The following MYOM1 variants were observed in gnomAD, a reference collection of about 807,000 sequenced individuals.
MYOM1 encodes myomesin-1.
MYOM1 carries 164 observed loss-of-function variants against 205.3 expected under a neutral mutation model. The ratio of observed to expected loss-of-function variants is 0.80; its 90% confidence interval spans 0.70 to 0.91. The LOEUF is 0.91. Ranked by LOEUF, MYOM1 falls within the 40% of genes least tolerant of loss-of-function variation. MYOM1 has a pLI of 0.00. For missense variants in MYOM1, 2,011 were observed against 2,127.3 expected (o/e 0.95, Z 1.08); for synonymous variants, 772 against 789.4 (o/e 0.98, Z 0.37).
rs141773518 is a variant in MYOM1 at position 3,137,643 on chromosome 18, G to A, written c.2026-1913C>T. Among the ~76,000 whole-genome samples, 428 of 152,282 alleles carry A rather than the reference G, an allele frequency of 2.8e-3. 2 individuals are homozygous for A. The highest frequency in any genetic ancestry group is 9.5e-3 in the African/African-American group (396 of 41,564). On this transcript the variant is annotated intron_variant, in intron 14 of 37. Transcript: ENST00000356443. ...ATCTCATGGAGGTAGAGAGTGGAATGGTGGTTACCAGAGGCTGGGAAGGGT... is the reference window on the plus strand; with the variant it reads ...ATCTCATGGAGGTAGAGAGTGGAATAGTGGTTACCAGAGGCTGGGAAGGGT...
intron 37 of MYOM1, among the ~76,000 whole-genome samples, chr18:3,069,958 A>AT (rs2078941172): frequency 6.6e-6 from 1 of 152,150 alleles, no homozygotes; most frequent in East Asian, 1.9e-4. Flanking sequence ...CCGTGATCAT[A>AT]TTTTCCAACC....
the MYOM1 span, among the ~76,000 whole-genome samples, chr18:3,235,487 T>C: frequency 5.3e-5 from 8 of 152,250 alleles, no homozygotes; most frequent in Admixed American, 5.2e-4. Context: ...CTTTGAAACA[T>C]GGCTTAGAAG....
intron 7 of MYOM1, 48 bp from the exon 8 acceptor site, chr18:3,174,048 A>G: frequency 6.2e-7 from 1 of 1,608,402 alleles, no homozygotes; most frequent in Non-Finnish European, 8.5e-7. Flanking sequence ...TGATCGATTT[A>G]TTTTAAAACC....
Position 3,199,835 on chromosome 18 carries a change from G to A in MYOM1, c.291-5877C>T, listed in dbSNP as rs557221128. Among the ~76,000 whole-genome samples the A allele has an allele frequency of 3.5e-4, 53 of 149,354 alleles. 1 individual carries two copies. Among genetic ancestry groups the A allele is most frequent in the Middle Eastern group, 7.5e-3 (2 of 268 alleles). ...AGCCTGGGTGACAGAGTGAGACTCC[G>A]TCTCAAAAAAAAAAAAATTACCTGC... On this transcript the variant is annotated intron_variant, in intron 2 of 37. Transcript: ENST00000356443.
chr18:3,141,588 A>G (rs1398985008), intron 14 of MYOM1, among the ~76,000 whole-genome samples: 1 of 152,216 alleles, frequency 6.6e-6, no homozygotes, highest in East Asian at 1.9e-4. Flanking sequence ...GAGAGATGAA[A>G]AGCCATTACC....
intron 2 of MYOM1, among the ~76,000 whole-genome samples, chr18:3,200,586 G>A (rs1189369845): frequency 5.9e-5 from 9 of 152,058 alleles, no homozygotes; most frequent in African/African-American, 4.8e-5. Context: ...TAAAAAGTAC[G>A]ATAACAAATG....
At chr18:3,102,346 A>G in intron 23 of MYOM1, 128 bp downstream of exon 23, 1 of 996,248 alleles carries the variant, frequency 1.0e-6, no homozygotes, top group Non-Finnish European at 1.5e-6. Flanking sequence ...ATTATTTTCT[A>G]CAATACCAGA....
In MYOM1 at chr18:3,079,213, A is replaced by G; in HGVS notation, c.4614T>C (p.Thr1538=). The change falls in exon 34 of 38, where the codon ACT becomes ACC. Residue 1538 remains threonine (T), a synonymous_variant. Coordinates refer to ENST00000356443, the MANE Select transcript of MYOM1 (RefSeq NM_003803.4). Reference sequence around the variant, plus strand: ...AGAGATCCACTGTCTTCTGATGTCCAGTTTTGCCATCAAAGAGCTCCATGA... The same window carrying G: ...AGAGATCCACTGTCTTCTGATGTCCGGTTTTGCCATCAAAGAGCTCCATGA... The part of the protein sequence containing the change: ...KYVMELFDGK[T]GHQKTVDLSG... The G allele has an allele frequency of 6.2e-7, 1 of 1,613,844 alleles. No homozygotes were observed. The highest frequency in any genetic ancestry group is 1.1e-5 in the South Asian group (1 of 91,086).
the MYOM1 span, among the ~76,000 whole-genome samples, chr18:3,231,082 C>T: frequency 2.0e-5 from 3 of 152,194 alleles, no homozygotes; most frequent in Non-Finnish European, 2.9e-5. Context: ...AGGAAAGCTG[C>T]CCTGCTGATG....
intron 2 of MYOM1, among the ~76,000 whole-genome samples, chr18:3,207,469 T>C (rs2081137865): frequency 6.6e-6 from 1 of 152,232 alleles, no homozygotes. Context: ...GCAGGTCTTA[T>C]TAACTTATTT....
chr18:3,236,976 T>C, the MYOM1 span, among the ~76,000 whole-genome samples: 2 of 151,524 alleles, frequency 1.3e-5, no homozygotes, highest in Non-Finnish European at 2.9e-5. Flanking sequence ...GGTGAGGGAG[T>C]GAGCACCTTT....
rs377071165 is a variant in MYOM1, at chr18:3,135,571, C to T, written c.2185G>A (p.Val729Met). The change falls in exon 15 of 38, where the codon GTG (valine) becomes ATG (methionine). Residue 729 changes from valine (V) to methionine (M), a missense_variant. Transcript: ENST00000356443. The surrounding 1 kb of genome is among the most constrained non-coding windows in gnomAD (Gnocchi z 4.1). ...CCAAGTTTGTCCCCTACCACAGTCA[C>T]CTCCGTTGCCTCTGAGGGCTCACCA... is the stretch of plus-strand genomic sequence containing the variant. ...GVGEPSEATE[V>M]TVVGDKLDIP... 41 of 1,613,618 alleles carry T rather than the reference C, an allele frequency of 2.5e-5. No individual in the cohort carries two copies. Among genetic ancestry groups the T allele is most frequent in the African/African-American group, 4.0e-5 (3 of 74,836 alleles).
At position 3,131,324 on chromosome 18, in the gene MYOM1, A is replaced by G; in HGVS notation, c.2506+51T>C. 1.9e-6 allele frequency: 3 copies of G among 1,601,938 alleles called. No homozygotes were observed. In the South Asian group the frequency reaches 3.4e-5, roughly 18 times the overall value. On this transcript the variant is annotated intron_variant, in intron 17 of 37. Coordinates refer to ENST00000356443, the MANE Select transcript of MYOM1 (RefSeq NM_003803.4). ...TGGAGAGGATGGTATCTTCCTTTCT[A>G]ACATAGAAAAATCCATTTTTCCCCC...
Position 3,219,519 on chromosome 18 carries a change from C to T in MYOM1, c.-29+284G>A, listed in dbSNP as rs2081307656. ...ACTTGGAAATAGCATTAAACACACG[C>T]TTACAGTTCAATCCGAGGCAGATAT... On this transcript the variant is annotated intron_variant, in intron 1 of 37. Coordinates refer to ENST00000356443, the MANE Select transcript of MYOM1 (RefSeq NM_003803.4). This position sits in a 1 kb window ranked among gnomAD's most constrained non-coding sequence, Gnocchi z 4.4. Among the ~76,000 whole-genome samples the T allele has an allele frequency of 6.6e-6, 1 of 152,182 alleles. No individual in the cohort carries two copies. Among genetic ancestry groups the T allele is most frequent in the Admixed American group, 6.5e-5 (1 of 15,282 alleles).
rs530350959 is a variant in MYOM1 at position 3,197,612 on chromosome 18, G to A, written c.291-3654C>T. Reference sequence around the variant, plus strand: ...GTTAAGGCTGGGCGCGGTGGCTCACGCCTGTAATCCCAGCACGTTGGGAGG... The same window carrying A: ...GTTAAGGCTGGGCGCGGTGGCTCACACCTGTAATCCCAGCACGTTGGGAGG... On this transcript the variant is annotated intron_variant, in intron 2 of 37. Transcript: ENST00000356443. Among the ~76,000 whole-genome samples, 12 of 152,128 alleles carry A rather than the reference G, an allele frequency of 7.9e-5. No homozygotes were observed. The East Asian group carries it at 1.7e-3, about 22-fold the overall frequency.
At chr18:3,137,142 G>A (rs573724522) in intron 14 of MYOM1, among the ~76,000 whole-genome samples, 1 of 152,024 alleles carries the variant, frequency 6.6e-6, no homozygotes, top group East Asian at 1.9e-4. Flanking sequence ...AGTAGAGGGG[G>A]GTTTCACCGT....
intron 5 of MYOM1, among the ~76,000 whole-genome samples, chr18:3,182,891 C>T (rs1317954362): frequency 6.8e-6 from 1 of 147,046 alleles, no homozygotes; most frequent in Non-Finnish European, 1.5e-5. Flanking sequence ...GCAGCATCCT[C>T]TGCAACTAAC....
rs536341559 is a variant in MYOM1, at chr18:3,142,139, T to C, written c.1901-76A>G. On this transcript the variant is annotated intron_variant, in intron 13 of 37. Coordinates refer to ENST00000356443, the MANE Select transcript of MYOM1 (RefSeq NM_003803.4). ...ATACTCAGAGAGCCAAAGACGCTGCTCTCCTCCTGAGGAAGAGTTAATTAT... is the reference window on the plus strand; with the variant it reads ...ATACTCAGAGAGCCAAAGACGCTGCCCTCCTCCTGAGGAAGAGTTAATTAT... The C allele has an allele frequency of 3.6e-4, 556 of 1,533,738 alleles. 5 individuals carry two copies. The South Asian group carries it at 6.2e-3, about 17-fold the overall frequency.
intron 2 of MYOM1, among the ~76,000 whole-genome samples, chr18:3,213,625 C>A (rs1170655745): frequency 1.3e-5 from 2 of 152,214 alleles, no homozygotes; most frequent in Non-Finnish European, 2.9e-5. Flanking sequence ...ACATTTCTCC[C>A]AGGGACGTTG....
Sources: gnomAD v4.1 joint callset for allele counts (sites outside exome capture counted in the v4.1 genomes callset) on GRCh38, gnomAD v4.1.1 for gene constraint, Gnocchi (gnomAD v3.1) non-coding constraint, MANE v1.5 for transcripts, NCBI Gene and HGNC (gene_info 2026-07-23, HGNC 2026-07-21) for gene names.